The following GLRB variants were observed in gnomAD, a reference collection of about 807,000 sequenced individuals.
GLRB encodes glycine receptor subunit beta.
Under a neutral mutation model 54.2 loss-of-function variants are expected in GLRB, and 33 were observed. That is an observed-to-expected ratio of 0.61 (90% CI 0.46 to 0.81). The LOEUF is 0.81. GLRB is among the 40% of genes least tolerant of loss of function. The pLI is 0.00. For synonymous variants in GLRB, 209 were observed against 208.2 expected (o/e 1.00, Z -0.03); for missense variants, 572 against 584.6 (o/e 0.98, Z 0.22).
intron 4 of GLRB, among the ~76,000 whole-genome samples, chr4:157,126,590 G>C (rs184520601): frequency 4.8e-4 from 73 of 151,950 alleles, no homozygotes; most frequent in East Asian, 1.2e-3. Flanking sequence ...AGTTCTACCA[G>C]TTTATGTGCT....
At chr4:157,160,204 T>G (rs1010513639) in intron 9 of GLRB, among the ~76,000 whole-genome samples, 10 of 152,164 alleles carry the variant, frequency 6.6e-5, no homozygotes, top group African/African-American at 1.9e-4. Context: ...TTTTATCGCA[T>G]CTGCTTGATT....
chr4:157,087,771 C>T (rs1734463965), intron 2 of GLRB, among the ~76,000 whole-genome samples: 1 of 150,488 alleles, frequency 6.6e-6, no homozygotes, highest in Non-Finnish European at 1.5e-5. Flanking sequence ...AGGAATTCGA[C>T]TTACTGAAAT....
Position 157,126,311 on chromosome 4 carries a change from GA to G in GLRB, c.297+3919del, listed in dbSNP as rs370436281. On this transcript the variant is annotated intron_variant, in intron 4 of 9. Transcript: ENST00000264428. ...CATAAACCATAATTGTATAGTGGAG[GA>G]AAAATTACAGCCTTATTAATATTCC... 3.9e-4 allele frequency among the ~76,000 whole-genome samples: 59 copies of G among 151,884 alleles called. 4 individuals carry two copies. In the South Asian group the frequency reaches 0.012, roughly 31 times the overall value.
At chr4:157,114,666 A>G (rs11100094) in intron 2 of GLRB, among the ~76,000 whole-genome samples, 30,621 of 151,586 alleles carry the variant, frequency 0.2, 3,439 homozygotes, top group African/African-American at 0.3. Flanking sequence ...TCACTCACAC[A>G]TTACTTACTT....
At chr4:157,167,790 A>C (rs1432618488) in intron 9 of GLRB, among the ~76,000 whole-genome samples, 2 of 152,298 alleles carry the variant, frequency 1.3e-5, no homozygotes, top group East Asian at 3.9e-4. Context: ...GCTGTACTAG[A>C]AGCATGGCAT....
intron 2 of GLRB, among the ~76,000 whole-genome samples, 160 bp from the exon 3 acceptor site, chr4:157,120,386 TAATAAAATAA>T (rs201620932): frequency 1.4e-5 from 2 of 147,224 alleles, no homozygotes; most frequent in South Asian, 4.3e-4. Flanking sequence ...AATATAATAA[TAATAAAATAA>T]AATAAAATAA....
intron 4 of GLRB, among the ~76,000 whole-genome samples, chr4:157,130,760 A>G (rs1433513885): frequency 1.3e-5 from 2 of 151,582 alleles, no homozygotes; most frequent in Admixed American, 6.6e-5. Context: ...TTGGGGGTAT[A>G]TACCTAGGAT....
At chr4:157,124,679 C>T (rs951313233) in intron 4 of GLRB, among the ~76,000 whole-genome samples, 1 of 151,742 alleles carries the variant, frequency 6.6e-6, no homozygotes, top group Non-Finnish European at 1.5e-5. Flanking sequence ...AATGTCGTTA[C>T]TACAGAGTGT....
rs58330518 is a variant in GLRB at position 157,082,964 on chromosome 4, T to TTATATATATATATATA, written c.122+4829_122+4844dup. On this transcript the variant is annotated intron_variant, in intron 2 of 9. Transcript: ENST00000264428. ...AATTATCAGACAAATGAATAGTGTT[T>TTATATATATATATATA]TATATATATATATATATATATATAT... 2.3e-3 allele frequency among the ~76,000 whole-genome samples: 327 copies of TTATATATATATATATA among 139,596 alleles called. 2 individuals carry two copies. Among genetic ancestry groups the TTATATATATATATATA allele is most frequent in the African/African-American group, 7.5e-3 (287 of 38,182 alleles). The allele number at this position is 139,596 out of a possible 152,430, so 91.6% of individuals were successfully genotyped here.
intron 4 of GLRB, among the ~76,000 whole-genome samples, chr4:157,127,542 A>G (rs532139877): frequency 6.6e-6 from 1 of 151,798 alleles, no homozygotes; most frequent in African/African-American, 2.4e-5. Flanking sequence ...ATGCTGTTTT[A>G]TATGTTAAAA....
At chr4:157,076,630 T>C (rs1734041469) in intron 1 of GLRB, 1 of 152,232 alleles carries the variant, frequency 6.6e-6, no homozygotes. Flanking sequence ...CTCCAGTCAA[T>C]GCAGCTGTCC....
At chr4:157,161,311 G>A (rs1737478773) in intron 9 of GLRB, among the ~76,000 whole-genome samples, 1 of 152,118 alleles carries the variant, frequency 6.6e-6, no homozygotes, top group Non-Finnish European at 1.5e-5. Flanking sequence ...CTTTTAATTG[G>A]AGCATTTAGC....
chr4:157,140,057 T>A (rs2126574894), intron 7 of GLRB, among the ~76,000 whole-genome samples: 1 of 152,122 alleles, frequency 6.6e-6, no homozygotes, highest in East Asian at 1.9e-4. Context: ...ACATCTATTG[T>A]TGACTTCAAA....
chr4:157,157,088 C>G (rs1737259624), intron 9 of GLRB, among the ~76,000 whole-genome samples: 1 of 152,160 alleles, frequency 6.6e-6, no homozygotes, highest in Non-Finnish European at 1.5e-5. Context: ...ACCAACACAG[C>G]AGCAGGGGTT....
chr4:157,158,637 G>A lies in GLRB; in HGVS notation c.1197+5627G>A, dbSNP rs1166820994. On this transcript the variant is annotated intron_variant, in intron 9 of 9. Coordinates refer to ENST00000264428, the MANE Select transcript of GLRB (RefSeq NM_000824.5). ...TGTCAGGTTTGTCAAAGATCAGATG[G>A]TTGTAGATGTGTGGTATTATTTCCA... Among the ~76,000 whole-genome samples the A allele has an allele frequency of 2.0e-5, 3 of 152,212 alleles. No individual in the cohort carries two copies. In the East Asian group the frequency reaches 5.8e-4, roughly 29 times the overall value.
intron 2 of GLRB, among the ~76,000 whole-genome samples, chr4:157,093,776 A>C (rs1163891810): frequency 2.0e-5 from 3 of 151,508 alleles, no homozygotes; most frequent in South Asian, 2.1e-4. Flanking sequence ...AAAAAAAAAA[A>C]AATACATGGT....
chr4:157,133,558 A>C (rs779580056), intron 4 of GLRB, among the ~76,000 whole-genome samples: 1 of 151,958 alleles, frequency 6.6e-6, no homozygotes, highest in Admixed American at 6.6e-5. Context: ...TTTTAAAAGC[A>C]AGGGGAGCTC....
chr4:157,091,980 T>G (rs1450613374), intron 2 of GLRB, among the ~76,000 whole-genome samples: 2 of 152,244 alleles, frequency 1.3e-5, no homozygotes, highest in East Asian at 3.9e-4. Flanking sequence ...CTACAAAAAA[T>G]CAATGATGAT....
chr4:157,158,702 G>C (rs188670292), intron 9 of GLRB, among the ~76,000 whole-genome samples: 175 of 152,162 alleles, frequency 1.2e-3, no homozygotes, highest in African/African-American at 3.7e-3. Context: ...TCTCTGTTTT[G>C]GTACCAGTAC....
Sources: gnomAD v4.1 joint callset for allele counts (sites outside exome capture counted in the v4.1 genomes callset) on GRCh38, gnomAD v4.1.1 for gene constraint, MANE v1.5 for transcripts, NCBI Gene and HGNC (gene_info 2026-07-23, HGNC 2026-07-21) for gene names.